Variants in SLC9A1 observed in about 807,000 individuals in gnomAD.
SLC9A1 encodes the protein solute carrier family 9 member A1, also known as sodium/hydrogen exchanger 1.
In SLC9A1, 22 loss-of-function variants were observed where a neutral mutation model predicts 67.9. The ratio of observed to expected loss-of-function variants is 0.32; its 90% CI spans 0.23 to 0.46. The LOEUF (loss-of-function observed/expected upper bound fraction) is 0.46. Among genes scored for constraint, SLC9A1 ranks in the 20% least tolerant of loss-of-function variants. SLC9A1 has a pLI of 1.00. For missense variants in SLC9A1, 686 were observed against 1,094.8 expected (o/e 0.63, Z 5.27); for synonymous variants, 421 against 471.8 (o/e 0.89, Z 1.40).
intron 1 of SLC9A1, among the ~76,000 whole-genome samples, chr1:27,143,868 T>C (rs375502522): frequency 1.3e-5 from 2 of 152,296 alleles, no homozygotes; most frequent in Admixed American, 1.3e-4. Flanking sequence ...ATACTCAATA[T>C]ATACATGGAG....
intron 1 of SLC9A1, among the ~76,000 whole-genome samples, chr1:27,119,576 C>T (rs1057348638): frequency 2.0e-5 from 3 of 152,162 alleles, no homozygotes; most frequent in Non-Finnish European, 4.4e-5. Context: ...CTACAGTTTA[C>T]AGCGGCACAC....
intron 1 of SLC9A1, among the ~76,000 whole-genome samples, chr1:27,115,457 A>C (rs1037955404): frequency 2.6e-5 from 4 of 152,066 alleles, no homozygotes; most frequent in Non-Finnish European, 5.9e-5. Flanking sequence ...ATCTAGTTGT[A>C]TGTTGGGTAC....
chr1:27,108,000 G>A, intron 3 of SLC9A1, 135 bp from the exon 4 acceptor site: 1 of 647,238 alleles, frequency 1.5e-6, no homozygotes. Context: ...GGCCCGCTGT[G>A]TGCTTTACAC....
chr1:27,107,464 C>T (rs987850155), intron 4 of SLC9A1, among the ~76,000 whole-genome samples, 184 bp downstream of exon 4: 1 of 150,440 alleles, frequency 6.6e-6, no homozygotes. Flanking sequence ...AATACGCATA[C>T]ACACACACAC....
At chr1:27,149,794 G>A (rs922336808) in intron 1 of SLC9A1, among the ~76,000 whole-genome samples, 1 of 152,218 alleles carries the variant, frequency 6.6e-6, no homozygotes, top group Non-Finnish European at 1.5e-5. Context: ...AGAACCCAGG[G>A]CTTCTGACTA....
In SLC9A1 at chr1:27,098,890, G is replaced by GC. The variant is rs2083116447; in HGVS notation, c.*1416dup. Reference sequence around the variant, plus strand: ...TACAGGCAGCAGAGTGGCAGCAGCTGCGGTGGCTTGGTACGTGGTTGTCGA... The same window carrying GC: ...TACAGGCAGCAGAGTGGCAGCAGCTGCCGGTGGCTTGGTACGTGGTTGTCGA... On this transcript the variant is annotated 3_prime_UTR_variant, in exon 12 of 12. Coordinates refer to ENST00000263980, the MANE Select transcript of SLC9A1 (RefSeq NM_003047.5). 1 of 152,654 alleles carries GC rather than the reference G, an allele frequency of 6.6e-6. No individual in the cohort carries two copies. The highest frequency in any genetic ancestry group is 2.4e-5 in the African/African-American group (1 of 41,450). 9.5% of individuals were successfully genotyped at this position (152,654 alleles called of 1,614,324 possible).
intron 4 of SLC9A1, 45 bp downstream of exon 4, chr1:27,107,603 C>G (rs2083197417): frequency 7.1e-7 from 1 of 1,417,358 alleles, no homozygotes; most frequent in South Asian, 1.2e-5. Flanking sequence ...CCCCCACACA[C>G]ACCCCACACC....
Position 27,154,059 on chromosome 1 carries a change from C to T in SLC9A1, c.276G>A (p.Leu92=), listed in dbSNP as rs754353229. 1.2e-6 allele frequency: 2 copies of T among 1,612,412 alleles called. No homozygotes were observed. The highest frequency in any genetic ancestry group is 1.7e-6 in the Non-Finnish European group (2 of 1,178,976). ...GMKPRKAFPV[L]GIDYTHVRTP... ...TGCGCACGTGTGTGTAGTCGATGCCCAGGACTGGAAAGGCCTTGCGCGGCT... is the reference window on the plus strand; with the variant it reads ...TGCGCACGTGTGTGTAGTCGATGCCTAGGACTGGAAAGGCCTTGCGCGGCT... Residue 92 remains leucine (L), a synonymous_variant, in exon 1 of 12, where the codon CTG becomes CTA. Transcript: ENST00000263980.
chr1:27,147,284 A>G (rs1557436690), intron 1 of SLC9A1, among the ~76,000 whole-genome samples: 1 of 118,142 alleles, frequency 8.5e-6, no homozygotes, highest in Non-Finnish European at 1.7e-5. Flanking sequence ...TGTGCAAAAG[A>G]GCGAGACTCT....
In SLC9A1 at chr1:27,100,463, C is replaced by T. The variant is rs758016239; in HGVS notation, c.2292G>A (p.Met764Ile). Residue 764 changes from methionine (M) to isoleucine (I), a missense_variant, in exon 12 of 12, where the codon ATG (methionine) becomes ATA (isoleucine). By Grantham distance (10) the Met-to-Ile change is conservative. Coordinates refer to ENST00000263980, the MANE Select transcript of SLC9A1 (RefSeq NM_003047.5). This position sits in a 1 kb window ranked among gnomAD's most constrained non-coding sequence, Gnocchi z 5.6. ...CTGGGGACGAAGTCTCCTTGCTCCGCATCATGATGCCCCCATCGTCGTCCT... is the reference window on the plus strand; with the variant it reads ...CTGGGGACGAAGTCTCCTTGCTCCGTATCATGATGCCCCCATCGTCGTCCT... ...EDEDDDGGIMMRSKETSSPGT... is the reference protein window; with the variant it reads ...EDEDDDGGIMIRSKETSSPGT... 1 of 1,614,016 alleles carries T rather than the reference C, an allele frequency of 6.2e-7. No individual in the cohort carries two copies. The highest frequency in any genetic ancestry group is 1.7e-4 in the Middle Eastern group (1 of 6,060).
intron 1 of SLC9A1, among the ~76,000 whole-genome samples, chr1:27,126,776 T>G (rs1362665423): frequency 6.6e-6 from 1 of 152,246 alleles, no homozygotes; most frequent in Non-Finnish European, 1.5e-5. Context: ...AAGTCATGTC[T>G]GGTTTAACTT....
At chr1:27,123,545 C>T (rs1392092998) in intron 1 of SLC9A1, among the ~76,000 whole-genome samples, 1 of 151,980 alleles carries the variant, frequency 6.6e-6, no homozygotes, top group East Asian at 1.9e-4. Context: ...CTCTGTCACC[C>T]AGGCTGGAGT....
chr1:27,102,843 G>T, intron 6 of SLC9A1, 100 bp from the exon 7 acceptor site: 1 of 1,088,424 alleles, frequency 9.2e-7, no homozygotes, highest in South Asian at 1.3e-5. Context: ...CAGCCCTGCT[G>T]GGTCCAGCCC....
intron 1 of SLC9A1, among the ~76,000 whole-genome samples, chr1:27,124,633 G>C (rs1007746004): frequency 7.2e-5 from 11 of 152,218 alleles, no homozygotes; most frequent in African/African-American, 2.7e-4. Flanking sequence ...GCTGGGTGGG[G>C]AAGACAGACC....
At position 27,101,278 on chromosome 1, in the gene SLC9A1, G is replaced by T; in HGVS notation, c.2038-3C>A. On this transcript the variant is annotated splice_region_variant and splice_polypyrimidine_tract_variant and intron_variant, in intron 10 of 11. Coordinates refer to ENST00000263980, the MANE Select transcript of SLC9A1 (RefSeq NM_003047.5). The surrounding 1 kb of genome is among the most constrained non-coding windows in gnomAD (Gnocchi z 4.9). ...GGCACCGTCAGGTAGTTGTTGATCT[G>T]ACAGAGAGGACAGACGGGGTGAGCA... The T allele has an allele frequency of 6.2e-7, 1 of 1,611,178 alleles. No individual in the cohort carries two copies. The highest frequency in any genetic ancestry group is 1.1e-5 in the South Asian group (1 of 91,028).
Position 27,099,983 on chromosome 1 carries a change from G to A in SLC9A1, c.*324C>T, listed in dbSNP as rs1467904652. 3.3e-5 allele frequency: 11 copies of A among 332,928 alleles called. No homozygotes were observed. In the East Asian group the frequency reaches 4.3e-4, roughly 13 times the overall value. 20.6% of individuals were successfully genotyped at this position (332,928 alleles called of 1,614,324 possible). A position where few individuals can be genotyped will look rare whatever the true frequency, so the allele number is the denominator to read the frequency against. On this transcript the variant is annotated 3_prime_UTR_variant, in exon 12 of 12. Transcript: ENST00000263980. ...AGAAACTAAGATTGGTCTGAATGAG[G>A]AGGAGGATGAGGCAGAGGGAGGAGC...
At position 27,106,652 on chromosome 1, in the gene SLC9A1, G is replaced by A. The variant is rs1027781722; in HGVS notation, c.1283-565C>T. The stretch of plus-strand genomic sequence containing the variant: ...GAAGTGAGAGATCCAGGGAGGAGGC[G>A]ACTGAGGCACTGGGGTGAGGCATGT... On this transcript the variant is annotated intron_variant, in intron 4 of 11. Coordinates refer to ENST00000263980, the MANE Select transcript of SLC9A1 (RefSeq NM_003047.5). This position sits in a 1 kb window ranked among gnomAD's most constrained non-coding sequence, Gnocchi z 4.3. Among the ~76,000 whole-genome samples the A allele has an allele frequency of 6.6e-5, 10 of 152,054 alleles. No homozygotes were observed. The highest frequency in any genetic ancestry group is 2.4e-4 in the African/African-American group (10 of 41,384).
chr1:27,106,754 G>A lies in SLC9A1; in HGVS notation c.1283-667C>T, dbSNP rs2083187662. Among the ~76,000 whole-genome samples the A allele has an allele frequency of 6.6e-6, 1 of 152,008 alleles. No homozygotes were observed. On this transcript the variant is annotated intron_variant, in intron 4 of 11. Transcript: ENST00000263980. The surrounding 1 kb of genome is among the most constrained non-coding windows in gnomAD (Gnocchi z 4.3). ...CCCCGGCCTGCTGCATAGGTTTGGA[G>A]GACTGCACGTGGCTCTGCATGCGAT...
At position 27,100,322 on chromosome 1, in the gene SLC9A1, G is replaced by A; in HGVS notation, c.2433C>T (p.Phe811=). The A allele has an allele frequency of 3.3e-6, 5 of 1,531,912 alleles. No individual in the cohort carries two copies. The highest frequency in any genetic ancestry group is 3.5e-6 in the Non-Finnish European group (4 of 1,139,876). The allele number at this position is 1,531,912 out of a possible 1,614,324, so 94.9% of individuals were successfully genotyped here. The part of the protein sequence containing the change: ...HPEPGEGEPF[F]PKGQ The stretch of plus-strand genomic sequence containing the variant: ...GGCCCTGGTGTTACTGCCCCTTGGG[G>A]AAGAACGGTTCTCCCTCCCCAGGCT... The change falls in exon 12 of 12, where the codon TTC becomes TTT. Residue 811 remains phenylalanine (F), a synonymous_variant. Coordinates refer to ENST00000263980, the MANE Select transcript of SLC9A1 (RefSeq NM_003047.5). This position sits in a 1 kb window ranked among gnomAD's most constrained non-coding sequence, Gnocchi z 5.6.
Sources: gnomAD v4.1 joint callset for allele counts (sites outside exome capture counted in the v4.1 genomes callset) on GRCh38, gnomAD v4.1.1 for gene constraint, Gnocchi (gnomAD v3.1) non-coding constraint, MANE v1.5 for transcripts, NCBI Gene and HGNC (gene_info 2026-07-23, HGNC 2026-07-21) for gene names.